Variants in RALGAPA2 observed in about 807,000 individuals in gnomAD.
RALGAPA2 encodes Ral GTPase activating protein catalytic subunit alpha 2.
In RALGAPA2, 139 loss-of-function variants were observed where a neutral mutation model predicts 230.4. That is an observed-to-expected ratio of 0.60 (90% CI 0.53 to 0.69). RALGAPA2 has a LOEUF of 0.69. Among genes scored for constraint, RALGAPA2 ranks in the 30% least tolerant of loss-of-function variants. RALGAPA2 has a pLI of 0.00. For missense variants in RALGAPA2, 2,163 were observed against 2,276.0 expected, an observed-to-expected ratio of 0.95 and a Z score of 1.01; for synonymous variants, 847 against 837.8, an observed-to-expected ratio of 1.01 and a Z score of -0.19.
chr20:20,440,436 T>C (rs1358119316), intron 37 of RALGAPA2, among the ~76,000 whole-genome samples: 3 of 152,220 alleles, frequency 2.0e-5, no homozygotes, highest in African/African-American at 4.8e-5. Flanking sequence ...CTGTATTAAA[T>C]AGGCCTAGGC....
intron 1 of RALGAPA2, among the ~76,000 whole-genome samples, chr20:20,694,590 C>A (rs1027219157): frequency 6.6e-6 from 1 of 152,138 alleles, no homozygotes; most frequent in African/African-American, 2.4e-5. Context: ...AAACTCATGA[C>A]CTGAAGGATG....
chr20:20,426,176 T>C (rs2060378655), intron 37 of RALGAPA2, among the ~76,000 whole-genome samples: 1 of 152,206 alleles, frequency 6.6e-6, no homozygotes, highest in African/African-American at 2.4e-5. Flanking sequence ...TTTTACTCCT[T>C]TTACATCTGT....
At position 20,465,149 on chromosome 20, in the gene RALGAPA2, T is replaced by TCTCACACACA. The variant is rs1556066770; in HGVS notation, c.5495+7679_5495+7680insTGTGTGTGAG. Among the ~76,000 whole-genome samples the TCTCACACACA allele has an allele frequency of 5.0e-3, 544 of 109,238 alleles. 5 individuals are homozygous for TCTCACACACA. The highest frequency in any genetic ancestry group is 0.011 in the Middle Eastern group (2 of 188). The allele number at this position is 109,238 out of a possible 152,430, so 71.7% of individuals were successfully genotyped here. On this transcript the variant is annotated intron_variant, in intron 37 of 39. Transcript: ENST00000202677. ...GCTTCTTCCCTCCCCCCGCAGGCCT[T>TCTCACACACA]CACACACACACACACACACACACAC...
intron 24 of RALGAPA2, 71 bp downstream of exon 24, chr20:20,546,633 G>A: frequency 6.7e-7 from 1 of 1,492,894 alleles, no homozygotes. Flanking sequence ...GTTAAGAGTG[G>A]AGAAATCTGA....
At chr20:20,592,284 G>A (rs2056569176) in intron 16 of RALGAPA2, among the ~76,000 whole-genome samples, 1 of 152,166 alleles carries the variant, frequency 6.6e-6, no homozygotes, top group African/African-American at 2.4e-5. Flanking sequence ...CCTAGTCAGG[G>A]TGAACACAGG....
chr20:20,553,412 T>A (rs571678888), intron 23 of RALGAPA2, among the ~76,000 whole-genome samples: 1 of 151,932 alleles, frequency 6.6e-6, no homozygotes, highest in African/African-American at 2.4e-5. Context: ...ATTAGCCAGG[T>A]GTGGTGGTAC....
chr20:20,496,135 T>C (rs989948946), intron 35 of RALGAPA2, among the ~76,000 whole-genome samples: 11 of 149,552 alleles, frequency 7.4e-5, no homozygotes, highest in Non-Finnish European at 1.6e-4. Context: ...CATTGCTTAG[T>C]AGTGTAGCCC....
intron 37 of RALGAPA2, among the ~76,000 whole-genome samples, chr20:20,454,608 C>T (rs1165484573): frequency 6.6e-6 from 1 of 152,194 alleles, no homozygotes; most frequent in Non-Finnish European, 1.5e-5. Context: ...AGAGGCTTTT[C>T]CTGACTCCCC....
intron 3 of RALGAPA2, among the ~76,000 whole-genome samples, chr20:20,655,069 T>C (rs1198159849): frequency 1.3e-5 from 2 of 152,178 alleles, no homozygotes; most frequent in Admixed American, 1.3e-4. Context: ...TCTATTCAAG[T>C]CACCTTATCT....
chr20:20,398,379 C>T lies in RALGAPA2; in HGVS notation c.5618-1645G>A, dbSNP rs2059762846. ...GGGTTGCCCCTCTCCTGTGCATCCC[C>T]AGACGCAGCCTGGTGTGGTGTGCTG... On this transcript the variant is annotated intron_variant, in intron 38 of 39. Transcript: ENST00000202677. The surrounding 1 kb of genome is among the most constrained non-coding windows in gnomAD (Gnocchi z 4.5). 6.6e-6 allele frequency among the ~76,000 whole-genome samples: 1 copy of T among 152,206 alleles called. No individual in the cohort carries two copies. Among genetic ancestry groups the T allele is most frequent in the African/African-American group, 2.4e-5 (1 of 41,456 alleles).
intron 24 of RALGAPA2, 29 bp from the exon 25 acceptor site, chr20:20,536,813 T>C (rs2063510791): frequency 6.3e-7 from 1 of 1,596,662 alleles, no homozygotes; most frequent in African/African-American, 1.3e-5. Context: ...AGCACACACA[T>C]TTCTCTTTTT....
intron 3 of RALGAPA2, among the ~76,000 whole-genome samples, chr20:20,664,081 C>G (rs769679162): frequency 7.2e-5 from 11 of 152,188 alleles, no homozygotes; most frequent in Non-Finnish European, 1.6e-4. Context: ...GATTTCACCA[C>G]ACTACTCAGA....
Position 20,512,534 on chromosome 20 carries a change from C to T in RALGAPA2, c.4835G>A (p.Gly1612Glu), listed in dbSNP as rs757704370. The change falls in exon 32 of 40, where the codon GGA becomes GAA. Residue 1612 changes from glycine (G) to glutamate (E), a missense_variant. Physicochemically the swap from Gly to Glu is moderately conservative, Grantham distance 98. Transcript: ENST00000202677. ...TTACCTTCTGTCCCAAGAATTCATT[C>T]CCAAGTCATCAAGCAATAACCTGCA... ...YFCRLLLDDL[G>E]MNSWDRRKNF... 1.9e-6 allele frequency: 3 copies of T among 1,605,608 alleles called. No homozygotes were observed. Among genetic ancestry groups the T allele is most frequent in the Admixed American group, 1.7e-5 (1 of 58,418 alleles).
chr20:20,602,116 G>C (rs532446311), intron 15 of RALGAPA2, among the ~76,000 whole-genome samples: 56 of 152,048 alleles, frequency 3.7e-4, no homozygotes, highest in Non-Finnish European at 5.4e-4. Context: ...ATATACAAAA[G>C]AAAGTATTAA....
intron 3 of RALGAPA2, among the ~76,000 whole-genome samples, chr20:20,661,719 C>T (rs939235530): frequency 5.9e-5 from 9 of 152,094 alleles, no homozygotes; most frequent in Non-Finnish European, 1.2e-4. Context: ...TTAAATTCCC[C>T]TACCGAAGAC....
At position 20,605,135 on chromosome 20, in the gene RALGAPA2, G is replaced by A. The variant is rs777238283; in HGVS notation, c.2038+40C>T. The A allele has an allele frequency of 3.3e-6, 5 of 1,513,982 alleles. No homozygotes were observed. In the East Asian group the frequency reaches 1.2e-4, roughly 35 times the overall value. 93.8% of individuals were successfully genotyped at this position (1,513,982 alleles called of 1,614,324 possible). Reference sequence around the variant, plus strand: ...TCATACAAATACACACTCGTCCCCAGTCCTAGACATCTGGTGTTAACCTGG... The same window carrying A: ...TCATACAAATACACACTCGTCCCCAATCCTAGACATCTGGTGTTAACCTGG... On this transcript the variant is annotated intron_variant, in intron 15 of 39. Transcript: ENST00000202677.
At chr20:20,439,642 A>C (rs948606558) in intron 37 of RALGAPA2, among the ~76,000 whole-genome samples, 15 of 152,302 alleles carry the variant, frequency 9.8e-5, no homozygotes, top group Admixed American at 1.3e-4. Context: ...TGATGGGATT[A>C]TCCAGTGAAA....
At chr20:20,620,741 C>T (rs1344328868) in intron 10 of RALGAPA2, 111 bp from the exon 11 acceptor site, 1 of 929,208 alleles carries the variant, frequency 1.1e-6, no homozygotes, top group East Asian at 2.7e-5. Flanking sequence ...CCTTGGAACA[C>T]ACAGCTTATA....
intron 8 of RALGAPA2, 52 bp downstream of exon 8, chr20:20,637,311 C>A: frequency 7.1e-7 from 1 of 1,416,542 alleles, no homozygotes; most frequent in Non-Finnish European, 9.4e-7. Flanking sequence ...TTGAAAGAGA[C>A]TGCATAGCTT....
Sources: allele counts gnomAD v4.1 joint callset (sites outside exome capture counted in the v4.1 genomes callset), GRCh38; gene constraint gnomAD v4.1.1; non-coding constraint Gnocchi (gnomAD v3.1); transcripts MANE v1.5; gene names NCBI Gene and HGNC (gene_info 2026-07-23, HGNC 2026-07-21).